Variants in TTC38 observed in about 807,000 individuals in gnomAD.
TTC38 encodes tetratricopeptide repeat protein 38.
Under a neutral mutation model 64.2 loss-of-function variants are expected in TTC38, and 64 were observed. The ratio of observed to expected loss-of-function variants is 1.00; its 90% confidence interval spans 0.81 to 1.23. The LOEUF is 1.23. TTC38 is among the 50% of genes most tolerant of loss of function. The pLI is 0.00. For synonymous variants in TTC38, 254 were observed against 249.3 expected (o/e 1.02, Z -0.18); for missense variants, 573 against 615.5 (o/e 0.93, Z 0.73).
At chr22:46,290,555 GAGGGT>G (rs760678457) in intron 13 of TTC38, among the ~76,000 whole-genome samples, 6,139 of 141,338 alleles carry the variant, frequency 0.043, 182 homozygotes, top group Non-Finnish European at 0.067. Context: ...AGGGTGTTAG[GAGGGT>G]GGTGTGGCTG....
Position 46,284,886 on chromosome 22 carries a change from A to G in TTC38, c.796-355A>G, listed in dbSNP as rs888807353. Reference sequence around the variant, plus strand: ...CCCATCTCAAAAAAAAAAAAAAAAAAAAAAGAAAAAGGCTAGAAAGAAATA... The same window carrying G: ...CCCATCTCAAAAAAAAAAAAAAAAAGAAAAGAAAAAGGCTAGAAAGAAATA... On this transcript the variant is annotated intron_variant, in intron 8 of 13. Transcript: ENST00000381031. Among the ~76,000 whole-genome samples, 280 of 151,878 alleles carry G rather than the reference A, an allele frequency of 1.8e-3. 2 individuals are homozygous for G. Among genetic ancestry groups the G allele is most frequent in the African/African-American group, 5.5e-3 (226 of 41,452 alleles).
intron 1 of TTC38, 98 bp from the exon 2 acceptor site, chr22:46,268,416 G>T: frequency 1.5e-6 from 2 of 1,293,000 alleles, no homozygotes; most frequent in Non-Finnish European, 1.1e-6. Context: ...TTACAGATGA[G>T]GAAGGTGGAG....
At chr22:46,287,921 AG>A (rs2077583234) in intron 10 of TTC38, among the ~76,000 whole-genome samples, 1 of 152,246 alleles carries the variant, frequency 6.6e-6, no homozygotes, top group Admixed American at 6.5e-5. Context: ...CATAGAAGCC[AG>A]CAGCCTGCTG....
rs1409177326 is a variant in TTC38, at chr22:46,270,526, C to T, written c.112-1809C>T. On this transcript the variant is annotated intron_variant, in intron 2 of 13. Coordinates refer to ENST00000381031, the MANE Select transcript of TTC38 (RefSeq NM_017931.4). This position sits in a 1 kb window ranked among gnomAD's most constrained non-coding sequence, Gnocchi z 4.7. ...TTGAGTAAAGGACCAGGTACAAATA[C>T]AGCAAATTGTTAAAAATGATGATGC... is the stretch of plus-strand genomic sequence containing the variant. 6.6e-6 allele frequency among the ~76,000 whole-genome samples: 1 copy of T among 152,066 alleles called. No homozygotes were observed. Among genetic ancestry groups the T allele is most frequent in the African/African-American group, 2.4e-5 (1 of 41,388 alleles).
At chr22:46,280,629 C>T (rs905436086) in intron 6 of TTC38, among the ~76,000 whole-genome samples, 4 of 152,244 alleles carry the variant, frequency 2.6e-5, no homozygotes, top group African/African-American at 9.6e-5. Context: ...CTTTCTTTCC[C>T]TCTGTTCCCA....
rs2077627333 is a variant in TTC38 at position 46,292,976 on chromosome 22, C to G, written c.*92C>G. Reference sequence around the variant, plus strand: ...CACCGGGTTAGGGTCAGGAGACGGCCAGAGCCTGTTTGTTAGGGCTGTTAG... The same window carrying G: ...CACCGGGTTAGGGTCAGGAGACGGCGAGAGCCTGTTTGTTAGGGCTGTTAG... On this transcript the variant is annotated 3_prime_UTR_variant, in exon 14 of 14. Coordinates refer to ENST00000381031, the MANE Select transcript of TTC38 (RefSeq NM_017931.4). The surrounding 1 kb of genome is among the most constrained non-coding windows in gnomAD (Gnocchi z 6.5). 2.0e-6 allele frequency: 2 copies of G among 996,190 alleles called. No individual in the cohort carries two copies. The highest frequency in any genetic ancestry group is 3.1e-6 in the Non-Finnish European group (2 of 636,804). 61.7% of individuals were successfully genotyped at this position (996,190 alleles called of 1,614,324 possible).
In TTC38 at chr22:46,275,087, C is replaced by G. The variant is rs552923381; in HGVS notation, c.366-161C>G. ...CCACCTGCCTTGGTCTCCCAAAGTG[C>G]TGGGATTACAGGCATAAGCCACCGC... On this transcript the variant is annotated intron_variant, in intron 4 of 13. Transcript: ENST00000381031. The surrounding 1 kb of genome is among the most constrained non-coding windows in gnomAD (Gnocchi z 4.5). 3.2e-4 allele frequency among the ~76,000 whole-genome samples: 48 copies of G among 152,158 alleles called. No individual in the cohort carries two copies. The highest frequency in any genetic ancestry group is 5.6e-4 in the Non-Finnish European group (38 of 68,040).
Position 46,293,266 on chromosome 22 carries a change from C to T in TTC38, c.*382C>T. 1 of 227,142 alleles carries T rather than the reference C, an allele frequency of 4.4e-6. No homozygotes were observed. Among genetic ancestry groups the T allele is most frequent in the Non-Finnish European group, 9.0e-6 (1 of 110,644 alleles). The allele number at this position is 227,142 out of a possible 1,614,324, so 14.1% of individuals were successfully genotyped here. A position where few individuals can be genotyped will look rare whatever the true frequency, so the allele number is the denominator to read the frequency against. Reference sequence around the variant, plus strand: ...TTCCAGAGGCAGCCTCCCCCCACTGCCTGTCCCCGTCCCCACCAGGCTGCC... The same window carrying T: ...TTCCAGAGGCAGCCTCCCCCCACTGTCTGTCCCCGTCCCCACCAGGCTGCC... On this transcript the variant is annotated 3_prime_UTR_variant, in exon 14 of 14. Coordinates refer to ENST00000381031, the MANE Select transcript of TTC38 (RefSeq NM_017931.4). The surrounding 1 kb of genome is among the most constrained non-coding windows in gnomAD (Gnocchi z 6.6).
intron 6 of TTC38, among the ~76,000 whole-genome samples, chr22:46,280,571 G>A (rs1039607583): frequency 6.6e-6 from 1 of 152,224 alleles, no homozygotes; most frequent in African/African-American, 2.4e-5. Flanking sequence ...CAAGTGTCCT[G>A]TACTCAGAGC....
chr22:46,273,920 T>G lies in TTC38; in HGVS notation c.216T>G (p.Thr72=). The G allele has an allele frequency of 6.2e-7, 1 of 1,614,262 alleles. No individual in the cohort carries two copies. Among genetic ancestry groups the G allele is most frequent in the South Asian group, 1.1e-5 (1 of 91,088 alleles). The part of the protein sequence containing the change: ...PTFVMGHAMA[T]GLVLIGTGSS... ...CAGTGATGGGCCACGCCATGGCTACTGGCCTTGTGCTGATTGGCACTGGAA... is the reference window on the plus strand; with the variant it reads ...CAGTGATGGGCCACGCCATGGCTACGGGCCTTGTGCTGATTGGCACTGGAA... The change falls in exon 4 of 14, where the codon ACT becomes ACG. Residue 72 remains threonine, a synonymous_variant. Coordinates refer to ENST00000381031, the MANE Select transcript of TTC38 (RefSeq NM_017931.4). This position sits in a 1 kb window ranked among gnomAD's most constrained non-coding sequence, Gnocchi z 5.1.
At chr22:46,289,953 G>A in intron 13 of TTC38, 54 bp downstream of exon 13, 1 of 1,509,344 alleles carries the variant, frequency 6.6e-7, no homozygotes, top group African/African-American at 1.4e-5. Context: ...TCTCCCTGCA[G>A]ACCTCAGGAG....
rs1936977178 is a variant in TTC38, at chr22:46,275,019, C to T, written c.366-229C>T. On this transcript the variant is annotated intron_variant, in intron 4 of 13. Transcript: ENST00000381031. This position sits in a 1 kb window ranked among gnomAD's most constrained non-coding sequence, Gnocchi z 4.5. ...TGTATTTTTAGTAGAGATGGGGTTT[C>T]ACCATCTTGGCCAGGCTGGTCTTGA... Among the ~76,000 whole-genome samples, 1 of 152,152 alleles carries T rather than the reference C, an allele frequency of 6.6e-6. No homozygotes were observed. Among genetic ancestry groups the T allele is most frequent in the Non-Finnish European group, 1.5e-5 (1 of 68,032 alleles).
intron 6 of TTC38, among the ~76,000 whole-genome samples, chr22:46,279,639 GGGTCGCTGC>G (rs2147792624): frequency 1.3e-5 from 2 of 152,378 alleles, no homozygotes; most frequent in South Asian, 4.1e-4. Context: ...TGGGGCCCAA[GGGTCGCTGC>G]GCTCTCTGAA....
chr22:46,289,061 G>T (rs566664072), intron 11 of TTC38, among the ~76,000 whole-genome samples: 1 of 152,348 alleles, frequency 6.6e-6, no homozygotes, highest in Non-Finnish European at 1.5e-5. Context: ...CCTTCCGGGG[G>T]TGATGATTGC....
At position 46,281,431 on chromosome 22, in the gene TTC38, C is replaced by T. The variant is rs2077533608; in HGVS notation, c.616-168C>T. 6.6e-6 allele frequency among the ~76,000 whole-genome samples: 1 copy of T among 152,154 alleles called. No individual in the cohort carries two copies. The highest frequency in any genetic ancestry group is 1.5e-5 in the Non-Finnish European group (1 of 68,030). On this transcript the variant is annotated intron_variant, in intron 6 of 13. Coordinates refer to ENST00000381031, the MANE Select transcript of TTC38 (RefSeq NM_017931.4). This position sits in a 1 kb window ranked among gnomAD's most constrained non-coding sequence, Gnocchi z 5.2. ...CCATGAGCTGGTGTGCCCGGGCAGG[C>T]AGGAAGTGGTGCTAATTGTCAGTGT...
chr22:46,292,380 G>T lies in TTC38; in HGVS notation c.1317-411G>T. 1 of 310,176 alleles carries T rather than the reference G, an allele frequency of 3.2e-6. No individual in the cohort carries two copies. Among genetic ancestry groups the T allele is most frequent in the South Asian group, 2.9e-5 (1 of 34,508 alleles). The allele number at this position is 310,176 out of a possible 1,614,324, so 19.2% of individuals were successfully genotyped here. A position where few individuals can be genotyped will look rare whatever the true frequency, so the allele number is the denominator to read the frequency against. On this transcript the variant is annotated intron_variant, in intron 13 of 13. Transcript: ENST00000381031. The surrounding 1 kb of genome is among the most constrained non-coding windows in gnomAD (Gnocchi z 6.5). ...ATAAGGGCACTAATCCCATTCACAA[G>T]GGCCCCACCCTCATGACTTAATCAC... is the stretch of plus-strand genomic sequence containing the variant.
At position 46,292,703 on chromosome 22, in the gene TTC38, C is replaced by T. The variant is rs747229297; in HGVS notation, c.1317-88C>T. 33 of 1,209,958 alleles carry T rather than the reference C, an allele frequency of 2.7e-5. No homozygotes were observed. Among genetic ancestry groups the T allele is most frequent in the Admixed American group, 5.2e-5 (3 of 58,214 alleles). 75.0% of individuals were successfully genotyped at this position (1,209,958 alleles called of 1,614,324 possible). ...CCCTCAGTGCCGCAGTCTAGCCTGC[C>T]TGTGTTCTGCCTTGGGACCAAGGGA... is the stretch of plus-strand genomic sequence containing the variant. On this transcript the variant is annotated intron_variant, in intron 13 of 13. Transcript: ENST00000381031. This position sits in a 1 kb window ranked among gnomAD's most constrained non-coding sequence, Gnocchi z 6.5.
In TTC38 at chr22:46,284,179, AC is replaced by A. The variant is rs2077555495; in HGVS notation, c.795+149del. 1.0e-5 allele frequency: 7 copies of A among 667,486 alleles called. No individual in the cohort carries two copies. The South Asian group carries it at 1.1e-4, about 10-fold the overall frequency. 41.3% of individuals were successfully genotyped at this position (667,486 alleles called of 1,614,324 possible). ...TTTCCAAAGAGCACTCTAGGCTTCAACCTTTTTAGGGATTTTTTCACTGTGG... is the reference window on the plus strand; with the variant it reads ...TTTCCAAAGAGCACTCTAGGCTTCAACTTTTTAGGGATTTTTTCACTGTGG... On this transcript the variant is annotated intron_variant, in intron 8 of 13. Coordinates refer to ENST00000381031, the MANE Select transcript of TTC38 (RefSeq NM_017931.4).
In TTC38 at chr22:46,278,585, G is replaced by A. The variant is rs911843661; in HGVS notation, c.540-1G>A. 2 of 1,613,568 alleles carry A rather than the reference G, an allele frequency of 1.2e-6. No homozygotes were observed. The highest frequency in any genetic ancestry group is 3.3e-5 in the Admixed American group (2 of 60,008). ...TCTGAGATCTTTTTTTCTGTTTTTA[G>A]CTATGTGAAAGGCATCTACTCTTTT... On this transcript the variant is annotated splice_acceptor_variant, in intron 5 of 13. Coordinates refer to ENST00000381031, the MANE Select transcript of TTC38 (RefSeq NM_017931.4). LOFTEE classifies it high-confidence loss of function.
Sources: gnomAD v4.1 joint callset for allele counts (sites outside exome capture counted in the v4.1 genomes callset) on GRCh38, gnomAD v4.1.1 for gene constraint, Gnocchi (gnomAD v3.1) non-coding constraint, MANE v1.5 for transcripts, NCBI Gene and HGNC (gene_info 2026-07-23, HGNC 2026-07-21) for gene names.